Variants in ATPSCKMT observed in about 807,000 individuals in gnomAD.
ATPSCKMT encodes ATP synthase c subunit lysine N-methyltransferase.
A neutral mutation model predicts 24.3 loss-of-function variants in ATPSCKMT; 24 were observed. The ratio of observed to expected loss-of-function variants is 0.99; its 90% CI spans 0.71 to 1.39. ATPSCKMT has a LOEUF of 1.39. Among genes scored for constraint, ATPSCKMT ranks in the 40% most tolerant of loss-of-function variants. ATPSCKMT has a pLI of 0.00. For synonymous variants in ATPSCKMT, 95 were observed against 110.5 expected (o/e 0.86, Z 0.88); for missense variants, 311 against 298.4 (o/e 1.04, Z -0.31).
At chr5:10,244,916 A>G (rs1367774210) in intron 1 of ATPSCKMT, among the ~76,000 whole-genome samples, 11 of 151,944 alleles carry the variant, frequency 7.2e-5, no homozygotes, top group Non-Finnish European at 1.6e-4. Context: ...TGTCAAAAAA[A>G]AAAAAAAAGA....
At chr5:10,229,747 G>T (rs190758829) in intron 4 of ATPSCKMT, among the ~76,000 whole-genome samples, 146 of 152,310 alleles carry the variant, frequency 9.6e-4, no homozygotes, top group Non-Finnish European at 1.7e-3. Context: ...CTACCGATCT[G>T]CTATAAGGAC....
chr5:10,244,856 C>T (rs558930669), intron 1 of ATPSCKMT, among the ~76,000 whole-genome samples: 9 of 150,640 alleles, frequency 6.0e-5, no homozygotes, highest in East Asian at 5.9e-4. Flanking sequence ...TGCAGTGAGC[C>T]GTGATCGCAC....
At position 10,239,098 on chromosome 5, in the gene ATPSCKMT, A is replaced by G; in HGVS notation, c.275T>C (p.Leu92Pro). The change falls in exon 2 of 5, where the codon CTT becomes CCT. Residue 92 changes from leucine (L) to proline (P), a missense_variant. By Grantham distance (98) the Leu-to-Pro change is moderately conservative (BLOSUM62 -3). Transcript: ENST00000511437. Reference protein sequence around the residue: ...VKMLRCRRGSLVDIGSGDGRI... With the variant: ...VKMLRCRRGSPVDIGSGDGRI... The stretch of plus-strand genomic sequence containing the variant: ...TCCGTCCCCACTACCGATGTCCACA[A>G]GGGATCCTCTTCGGCATCGCAACAT... The G allele has an allele frequency of 6.2e-7, 1 of 1,614,204 alleles. No homozygotes were observed. The highest frequency in any genetic ancestry group is 8.5e-7 in the Non-Finnish European group (1 of 1,180,030).
intron 2 of ATPSCKMT, among the ~76,000 whole-genome samples, chr5:10,238,452 C>T (rs1192095006): frequency 1.3e-5 from 2 of 152,206 alleles, no homozygotes; most frequent in Non-Finnish European, 2.9e-5. Flanking sequence ...TTTCCCACTG[C>T]TGCTGGAACT....
rs73741344 is a variant in ATPSCKMT at position 10,236,919 on chromosome 5, G to A, written c.307-304C>T. The A allele has an allele frequency of 5.1e-6, 7 of 1,370,702 alleles. 1 individual carries two copies. Among genetic ancestry groups the A allele is most frequent in the African/African-American group, 4.3e-5 (3 of 69,018 alleles). The allele number at this position is 1,370,702 out of a possible 1,614,324, so 84.9% of individuals were successfully genotyped here. ...AGGTCAGCCAACCCCCGGGGAGGTC[G>A]AACAAAACATTGCTGAAAATCCACT... is the stretch of plus-strand genomic sequence containing the variant. On this transcript the variant is annotated intron_variant, in intron 2 of 4. Transcript: ENST00000511437.
At chr5:10,240,497 CCAG>C (rs1350630926) in intron 1 of ATPSCKMT, among the ~76,000 whole-genome samples, 3 of 152,064 alleles carry the variant, frequency 2.0e-5, no homozygotes, top group Non-Finnish European at 4.4e-5. Flanking sequence ...AGTTAGGATC[CCAG>C]CTCTGCCACC....
intron 1 of ATPSCKMT, among the ~76,000 whole-genome samples, chr5:10,240,709 T>C (rs752185619): frequency 6.6e-6 from 1 of 152,006 alleles, no homozygotes; most frequent in Non-Finnish European, 1.5e-5. Flanking sequence ...AATAACACCA[T>C]TTATGGCCAG....
At chr5:10,249,031 A>T (rs1274961037) in intron 1 of ATPSCKMT, among the ~76,000 whole-genome samples, 1 of 152,032 alleles carries the variant, frequency 6.6e-6, no homozygotes, top group Non-Finnish European at 1.5e-5. Context: ...ACTTGGGGAG[A>T]CCTAGACGGG....
chr5:10,247,811 G>A (rs1378791026), intron 1 of ATPSCKMT, among the ~76,000 whole-genome samples: 2 of 152,196 alleles, frequency 1.3e-5, no homozygotes, highest in African/African-American at 4.8e-5. Context: ...TGGCTGCAGT[G>A]GCCACTGGCT....
intron 4 of ATPSCKMT, among the ~76,000 whole-genome samples, chr5:10,231,912 G>A (rs753387157): frequency 6.6e-6 from 1 of 152,202 alleles, no homozygotes; most frequent in African/African-American, 2.4e-5. Context: ...TTGTTCATCA[G>A]TTCATAAAAG....
rs1554008597 is a variant in ATPSCKMT, at chr5:10,240,049, ACC to A, written c.17-695_17-694del. ...AGACCATCCTGGCTAACATGGTGAA[ACC>A]CCATCTCTACTAAAAATACAAAAAA... On this transcript the variant is annotated intron_variant, in intron 1 of 4. Coordinates refer to ENST00000511437, the MANE Select transcript of ATPSCKMT (RefSeq NM_199133.4). Among the ~76,000 whole-genome samples the A allele has an allele frequency of 1.2e-4, 17 of 139,824 alleles. No homozygotes were observed. In the South Asian group the frequency reaches 3.6e-3, roughly 29 times the overall value. The allele number at this position is 139,824 out of a possible 152,430, so 91.7% of individuals were successfully genotyped here. A position where few individuals can be genotyped will look rare whatever the true frequency, so the allele number is the denominator to read the frequency against.
At chr5:10,246,942 T>C (rs1405617812) in intron 1 of ATPSCKMT, among the ~76,000 whole-genome samples, 1 of 152,142 alleles carries the variant, frequency 6.6e-6, no homozygotes, top group Non-Finnish European at 1.5e-5. Flanking sequence ...GAGAGAATAT[T>C]TGAGCTGGAG....
intron 4 of ATPSCKMT, among the ~76,000 whole-genome samples, chr5:10,234,817 T>C (rs952370241): frequency 1.3e-5 from 2 of 152,258 alleles, no homozygotes; most frequent in African/African-American, 4.8e-5. Flanking sequence ...CAGAAAATTA[T>C]CTTCCTTCCA....
At chr5:10,245,757 A>C (rs1470458019) in intron 1 of ATPSCKMT, among the ~76,000 whole-genome samples, 3 of 152,140 alleles carry the variant, frequency 2.0e-5, no homozygotes, top group Non-Finnish European at 4.4e-5. Flanking sequence ...AAAAAAAAAA[A>C]AAAAGATTTT....
At chr5:10,248,479 A>C (rs1579437806) in intron 1 of ATPSCKMT, 1 of 152,394 alleles carries the variant, frequency 6.6e-6, no homozygotes, top group African/African-American at 2.4e-5. Flanking sequence ...CTTGAAGAAC[A>C]CTTCAAGGTC....
intron 1 of ATPSCKMT, among the ~76,000 whole-genome samples, chr5:10,241,569 G>A (rs1374967134): frequency 1.3e-5 from 2 of 152,184 alleles, no homozygotes; most frequent in East Asian, 1.9e-4. Flanking sequence ...AACGAACTGG[G>A]TCGGCGGAGG....
At position 10,225,639 on chromosome 5, in the gene ATPSCKMT, TACTC is replaced by T. The variant is rs1046071264; in HGVS notation, c.*1798_*1801del. On this transcript the variant is annotated 3_prime_UTR_variant, in exon 5 of 5. Coordinates refer to ENST00000511437, the MANE Select transcript of ATPSCKMT (RefSeq NM_199133.4). ...AATAACCATCAGATCTCATTAAACT[TACTC>T]ACTATCATGAGAACAGCACAGGAAA... Among the ~76,000 whole-genome samples the T allele has an allele frequency of 7.2e-5, 11 of 152,086 alleles. No individual in the cohort carries two copies. Among genetic ancestry groups the T allele is most frequent in the South Asian group, 2.1e-4 (1 of 4,810 alleles).
At chr5:10,238,910 A>G in intron 2 of ATPSCKMT, 157 bp downstream of exon 2, 2 of 859,408 alleles carry the variant, frequency 2.3e-6, no homozygotes, top group Non-Finnish European at 3.5e-6. Context: ...TTCCAAACAC[A>G]CTGGTAGTTG....
At position 10,246,848 on chromosome 5, in the gene ATPSCKMT, T is replaced by C. The variant is rs149006198; in HGVS notation, c.16+3010A>G. Among the ~76,000 whole-genome samples the C allele has an allele frequency of 1.9e-3, 290 of 152,306 alleles. 1 individual carries two copies. The highest frequency in any genetic ancestry group is 3.1e-3 in the Admixed American group (47 of 15,294). ...ACACAGGGCTGGTTGTGAGAAATGC[T>C]ATAACACAAACAAAACGCTACAGGC... is the stretch of plus-strand genomic sequence containing the variant. On this transcript the variant is annotated intron_variant, in intron 1 of 4. Transcript: ENST00000511437.
Sources: gnomAD v4.1 joint callset for allele counts (sites outside exome capture counted in the v4.1 genomes callset) on GRCh38, gnomAD v4.1.1 for gene constraint, MANE v1.5 for transcripts, NCBI Gene and HGNC (gene_info 2026-07-23, HGNC 2026-07-21) for gene names.